MARCHF10: variants seen among roughly 807,000 people sequenced by gnomAD.
The protein encoded by MARCHF10 is probable E3 ubiquitin-protein ligase MARCHF10.
MARCHF10 carries 64 observed loss-of-function variants against 76.2 expected under a neutral mutation model. The observed-to-expected ratio is 0.84, with a 90% CI of 0.69 to 1.03. The LOEUF is 1.03. Among genes scored for constraint, MARCHF10 ranks in the 50% least tolerant of loss-of-function variants. The pLI is 0.00. For synonymous variants in MARCHF10, 340 were observed against 357.5 expected (o/e 0.95, Z 0.55); for missense variants, 875 against 958.0 (o/e 0.91, Z 1.14).
In MARCHF10 at chr17:62,705,519, G is replaced by T. The variant is rs746242448; in HGVS notation, c.2371+20C>A. On this transcript the variant is annotated intron_variant, in intron 10 of 10. Coordinates refer to ENST00000311269, the MANE Select transcript of MARCHF10 (RefSeq NM_152598.4). ...TTAGCAAACACCCTCAAAATGGCAG[G>T]ACTGGCCCCCAAAACCTACTTTCAT... 6.2e-7 allele frequency: 1 copy of T among 1,614,152 alleles called. No homozygotes were observed. The highest frequency in any genetic ancestry group is 8.5e-7 in the Non-Finnish European group (1 of 1,180,020).
At chr17:62,778,239 C>A (rs190468536) in intron 3 of MARCHF10, among the ~76,000 whole-genome samples, 1 of 152,180 alleles carries the variant, frequency 6.6e-6, no homozygotes, top group African/African-American at 2.4e-5. Context: ...AGAGGCTGGG[C>A]AGATGAGCTC....
intron 3 of MARCHF10, among the ~76,000 whole-genome samples, chr17:62,763,623 C>G (rs1317615245): frequency 6.6e-6 from 1 of 151,990 alleles, no homozygotes; most frequent in Admixed American, 6.6e-5. Flanking sequence ...TGAAATGTCA[C>G]TTGGAGGTGG....
chr17:62,781,676 G>A (rs989426958), intron 3 of MARCHF10, among the ~76,000 whole-genome samples: 6 of 152,192 alleles, frequency 3.9e-5, no homozygotes, highest in Admixed American at 1.3e-4. Context: ...TTAACTGTGT[G>A]TTTGGGGATC....
At chr17:62,800,772 A>G (rs939537897) in intron 2 of MARCHF10, among the ~76,000 whole-genome samples, 2 of 152,086 alleles carry the variant, frequency 1.3e-5, no homozygotes, top group African/African-American at 4.8e-5. Flanking sequence ...GGATCCCACA[A>G]CCTAGTCTGG....
intron 6 of MARCHF10, among the ~76,000 whole-genome samples, chr17:62,727,390 C>T (rs1007946227): frequency 3.3e-5 from 5 of 151,970 alleles, no homozygotes; most frequent in African/African-American, 1.2e-4. Flanking sequence ...TGAGTCTGGC[C>T]GGGTGCAGTG....
chr17:62,718,074 C>T (rs934140247), intron 8 of MARCHF10, among the ~76,000 whole-genome samples: 1 of 152,162 alleles, frequency 6.6e-6, no homozygotes, highest in African/African-American at 2.4e-5. Flanking sequence ...TGACAGTTCT[C>T]ATGCGTGGAG....
At position 62,759,939 on chromosome 17, in the gene MARCHF10, T is replaced by A; in HGVS notation, c.278A>T (p.Asp93Val). 1 of 1,613,956 alleles carries A rather than the reference T, an allele frequency of 6.2e-7. No homozygotes were observed. Among genetic ancestry groups the A allele is most frequent in the Non-Finnish European group, 8.5e-7 (1 of 1,179,936 alleles). The change falls in exon 4 of 11, where the codon GAC (aspartate) becomes GTC (valine). Residue 93 changes from aspartate (D) to valine (V), a missense_variant. Physicochemically the swap from Asp to Val is radical, Grantham distance 152. Coordinates refer to ENST00000311269, the MANE Select transcript of MARCHF10 (RefSeq NM_152598.4). ...TTGGTCAATTGCTGGAAGTTTGGAGTCACACTTAAATGCAGATATCTTGAT... is the reference window on the plus strand; with the variant it reads ...TTGGTCAATTGCTGGAAGTTTGGAGACACACTTAAATGCAGATATCTTGAT... ...SSIKISAFKC[D>V]SKLPAIDQTS...
At chr17:62,737,419 A>C in intron 5 of MARCHF10, 87 bp from the exon 6 acceptor site, 2 of 1,235,670 alleles carry the variant, frequency 1.6e-6, no homozygotes, top group Non-Finnish European at 2.3e-6. Context: ...ATTGCCCTTT[A>C]AATGCAACAG....
intron 8 of MARCHF10, among the ~76,000 whole-genome samples, chr17:62,713,221 C>T (rs1032612892): frequency 1.3e-5 from 2 of 152,196 alleles, no homozygotes; most frequent in African/African-American, 4.8e-5. Flanking sequence ...CCTGCAAAAG[C>T]TGCCAGTGGT....
chr17:62,764,381 G>A (rs1050492990), intron 3 of MARCHF10, among the ~76,000 whole-genome samples: 6 of 152,280 alleles, frequency 3.9e-5, no homozygotes, highest in Middle Eastern at 3.4e-3. Context: ...CGTGAGTCAC[G>A]TGATGGAGGC....
intron 6 of MARCHF10, 188 bp downstream of exon 6, chr17:62,735,743 C>G: frequency 1.7e-6 from 1 of 592,296 alleles, no homozygotes; most frequent in Non-Finnish European, 2.9e-6. Context: ...GAACACCAGA[C>G]TTTTCTTTAT....
At chr17:62,707,025 C>T (rs1367442702) in intron 9 of MARCHF10, among the ~76,000 whole-genome samples, 3 of 152,202 alleles carry the variant, frequency 2.0e-5, no homozygotes, top group African/African-American at 7.2e-5. Flanking sequence ...AGCGAGCATC[C>T]AGTGCTTCCG....
intron 5 of MARCHF10, among the ~76,000 whole-genome samples, chr17:62,740,874 T>G (rs2091480500): frequency 6.6e-6 from 1 of 152,154 alleles, no homozygotes; most frequent in South Asian, 2.1e-4. Flanking sequence ...GCAATCCTCC[T>G]GCCTTGGCCT....
At chr17:62,752,981 G>A (rs554217321) in intron 4 of MARCHF10, among the ~76,000 whole-genome samples, 5 of 152,188 alleles carry the variant, frequency 3.3e-5, no homozygotes, top group Admixed American at 1.3e-4. Context: ...CTGATGCCCC[G>A]TCGCCTCCAG....
At chr17:62,704,079 G>A (rs911457832) in intron 10 of MARCHF10, among the ~76,000 whole-genome samples, 1 of 151,856 alleles carries the variant, frequency 6.6e-6, no homozygotes, top group Non-Finnish European at 1.5e-5. Flanking sequence ...GGACCCTGCT[G>A]CCCTGTCCTC....
chr17:62,782,379 G>A (rs927838415), intron 3 of MARCHF10, among the ~76,000 whole-genome samples: 4 of 126,322 alleles, frequency 3.2e-5, no homozygotes, highest in African/African-American at 6.4e-5. Flanking sequence ...ATGGAGTCTC[G>A]CTCTGTCGCC....
At chr17:62,757,768 A>G (rs1045503776) in intron 4 of MARCHF10, among the ~76,000 whole-genome samples, 2 of 152,242 alleles carry the variant, frequency 1.3e-5, no homozygotes, top group South Asian at 2.1e-4. Context: ...GGCTTTTACT[A>G]CAAGTAACAT....
intron 3 of MARCHF10, among the ~76,000 whole-genome samples, chr17:62,785,979 C>A (rs1169883058): frequency 6.6e-6 from 1 of 152,158 alleles, no homozygotes; most frequent in Non-Finnish European, 1.5e-5. Flanking sequence ...TGTGGCAATT[C>A]CTCAAGGATC....
intron 4 of MARCHF10, among the ~76,000 whole-genome samples, chr17:62,747,846 T>C (rs920279186): frequency 2.6e-5 from 4 of 152,220 alleles, no homozygotes; most frequent in Non-Finnish European, 4.4e-5. Flanking sequence ...CAACTCTTTA[T>C]ATTATGATTT....
Sources: gnomAD v4.1 joint callset for allele counts (sites outside exome capture counted in the v4.1 genomes callset) on GRCh38, gnomAD v4.1.1 for gene constraint, MANE v1.5 for transcripts, NCBI Gene and HGNC (gene_info 2026-07-23, HGNC 2026-07-21) for gene names.